Variants in CENPO observed in about 807,000 individuals in gnomAD.
The protein encoded by CENPO is centromere protein O.
CENPO carries 30 observed loss-of-function variants against 36.1 expected under a neutral mutation model. The ratio of observed to expected loss-of-function variants is 0.83; its 90% CI spans 0.62 to 1.13. The LOEUF is 1.13. Among genes scored for constraint, CENPO ranks in the 50% most tolerant of loss-of-function variants. The probability of loss-of-function intolerance (pLI) is 0.00; values close to 1 mark genes in which losing one functional copy is unlikely to be tolerated. For missense variants in CENPO, 349 were observed against 357.8 expected (o/e 0.98, Z 0.20); for synonymous variants, 171 against 142.3 (o/e 1.20, Z -1.44).
At chr2:24,800,991 G>A (rs1666136085) in intron 3 of CENPO, among the ~76,000 whole-genome samples, 1 of 152,136 alleles carries the variant, frequency 6.6e-6, no homozygotes, top group African/African-American at 2.4e-5. Flanking sequence ...AGCACCTGTT[G>A]TTTCCTGACT....
intron 2 of CENPO, among the ~76,000 whole-genome samples, chr2:24,795,245 T>TA (rs1665840927): frequency 6.6e-6 from 1 of 152,204 alleles, no homozygotes; most frequent in South Asian, 2.1e-4. Flanking sequence ...ACTTAGCTGT[T>TA]ACCCATACTG....
At chr2:24,804,937 A>G (rs188946468) in intron 3 of CENPO, among the ~76,000 whole-genome samples, 2 of 152,180 alleles carry the variant, frequency 1.3e-5, no homozygotes, top group African/African-American at 2.4e-5. Context: ...ACTTGGTTCC[A>G]TTCTCCCCAT....
At position 24,821,659 on chromosome 2, in the gene CENPO, G is replaced by A; in HGVS notation, c.*2341G>A. The A allele has an allele frequency of 6.2e-7, 1 of 1,613,166 alleles. No homozygotes were observed. The highest frequency in any genetic ancestry group is 2.2e-5 in the East Asian group (1 of 44,878). Reference sequence around the variant, plus strand: ...TGTCTTCCTGTGCCAGGGGACCGTGGAGAAAGTGTCAGGGGCCGCTCACTG... The same window carrying A: ...TGTCTTCCTGTGCCAGGGGACCGTGAAGAAAGTGTCAGGGGCCGCTCACTG... On this transcript the variant is annotated 3_prime_UTR_variant, in exon 8 of 8. Transcript: ENST00000380834.
At chr2:24,815,903 G>T in intron 5 of CENPO, 147 bp downstream of exon 5, 1 of 743,462 alleles carries the variant, frequency 1.3e-6, no homozygotes. Flanking sequence ...TTATATAAAA[G>T]CACTATCCCA....
intron 2 of CENPO, among the ~76,000 whole-genome samples, chr2:24,796,717 G>C (rs554673303): frequency 6.6e-6 from 1 of 152,296 alleles, no homozygotes; most frequent in African/African-American, 2.4e-5. Context: ...TTATGAGCTG[G>C]CACCTGACCT....
Position 24,815,685 on chromosome 2 carries a change from CA to C in CENPO, c.524del (p.His175ProfsTer10). On this transcript the variant is annotated frameshift_variant, in exon 5 of 8. Coordinates refer to ENST00000380834, the MANE Select transcript of CENPO (RefSeq NM_001322101.2). LOFTEE classifies it high-confidence loss of function. The part of the protein sequence containing the change: ...AAKYLQTNIQ[H>X]FLFSLCEYLN... ...AAAATATTTACAGACCAACATCCAGCACTTCCTGTTCAGTCTCTGCGAGTAC... is the reference window on the plus strand; with the variant it reads ...AAAATATTTACAGACCAACATCCAGCCTTCCTGTTCAGTCTCTGCGAGTAC... 1 of 1,613,914 alleles carries C rather than the reference CA, an allele frequency of 6.2e-7. No homozygotes were observed. The highest frequency in any genetic ancestry group is 1.1e-5 in the South Asian group (1 of 91,082).
Position 24,793,931 on chromosome 2 carries a change from G to A in CENPO, c.12G>A (p.Ala4=). The change falls in exon 2 of 8, where the codon GCG becomes GCA. Residue 4 remains alanine (A), a synonymous_variant. Coordinates refer to ENST00000380834, the MANE Select transcript of CENPO (RefSeq NM_001322101.2). ...CTTGGGAATCTGAGATGGAGCAGGCGAACCCTTTACGTCCAGATGGCGAGT... is the reference window on the plus strand; with the variant it reads ...CTTGGGAATCTGAGATGGAGCAGGCAAACCCTTTACGTCCAGATGGCGAGT... MEQ[A]NPLRPDGESK... is the part of the protein sequence containing the mutation. The A allele has an allele frequency of 1.2e-6, 2 of 1,614,154 alleles. No individual in the cohort carries two copies. The highest frequency in any genetic ancestry group is 1.7e-6 in the Non-Finnish European group (2 of 1,180,018).
chr2:24,803,578 C>T (rs1182296249), intron 3 of CENPO, among the ~76,000 whole-genome samples: 6 of 152,086 alleles, frequency 3.9e-5, no homozygotes, highest in Admixed American at 1.3e-4. Context: ...GCCTTCATTT[C>T]GTTATGTACC....
At chr2:24,805,910 C>G (rs902398412) in intron 3 of CENPO, among the ~76,000 whole-genome samples, 5 of 152,226 alleles carry the variant, frequency 3.3e-5, no homozygotes, top group African/African-American at 1.2e-4. Flanking sequence ...TTGCTATGCC[C>G]TGCCCCCAGA....
chr2:24,816,681 G>C lies in CENPO; in HGVS notation c.630G>C (p.Gln210His). 6.2e-7 allele frequency: 1 copy of C among 1,612,320 alleles called. No individual in the cohort carries two copies. Among genetic ancestry groups the C allele is most frequent in the Non-Finnish European group, 8.5e-7 (1 of 1,179,286 alleles). ...DFAALLTGPL[Q>H]RNPLCNLLSF... ...CAGCCCTCCTGACTGGGCCCTTGCAGAGAAACCCACTGTGTAACTTGCTGT... is the reference window on the plus strand; with the variant it reads ...CAGCCCTCCTGACTGGGCCCTTGCACAGAAACCCACTGTGTAACTTGCTGT... Residue 210 changes from glutamine to histidine, a missense_variant, in exon 6 of 8, where the codon CAG becomes CAC. Gln to His is a conservative substitution (Grantham distance 24). Coordinates refer to ENST00000380834, the MANE Select transcript of CENPO (RefSeq NM_001322101.2).
chr2:24,803,353 T>G (rs1349464601), intron 3 of CENPO, among the ~76,000 whole-genome samples: 1 of 152,156 alleles, frequency 6.6e-6, no homozygotes, highest in African/African-American at 2.4e-5. Context: ...ATCTTAGTTA[T>G]TTCTTGCCTT....
Position 24,820,145 on chromosome 2 carries a change from G to A in CENPO, c.*827G>A, listed in dbSNP as rs780188569. On this transcript the variant is annotated 3_prime_UTR_variant, in exon 8 of 8. Transcript: ENST00000380834. ...GAGGGAGGGGGAGCAAGAACGTGGC[G>A]TTACGGGGGGAGCCTAGACTGAGGG... is the stretch of plus-strand genomic sequence containing the variant. The A allele has an allele frequency of 2.3e-4, 268 of 1,145,734 alleles. No homozygotes were observed. Among genetic ancestry groups the A allele is most frequent in the Non-Finnish European group, 2.9e-4 (240 of 841,420 alleles). 71.0% of individuals were successfully genotyped at this position (1,145,734 alleles called of 1,614,324 possible).
intron 3 of CENPO, among the ~76,000 whole-genome samples, chr2:24,804,561 G>A (rs964109456): frequency 6.6e-6 from 1 of 152,032 alleles, no homozygotes; most frequent in African/African-American, 2.4e-5. Context: ...GTCTGTAAAG[G>A]ATTTTATTTC....
In CENPO at chr2:24,821,047, ACCCC is replaced by A; in HGVS notation, c.*1736_*1739del. 1.9e-6 allele frequency: 1 copy of A among 532,514 alleles called. No homozygotes were observed. 33.0% of individuals were successfully genotyped at this position (532,514 alleles called of 1,614,324 possible). A position where few individuals can be genotyped will look rare whatever the true frequency, so the allele number is the denominator to read the frequency against. ...GTGTGCTTGTTAGGTGTCAGCCGCC[ACCCC>A]CCCCCCATATGCAGATTTACTCGGC... On this transcript the variant is annotated 3_prime_UTR_variant, in exon 8 of 8. Transcript: ENST00000380834.
chr2:24,797,027 G>A (rs1368688989), intron 2 of CENPO, among the ~76,000 whole-genome samples: 2 of 152,212 alleles, frequency 1.3e-5, no homozygotes, highest in Non-Finnish European at 2.9e-5. Context: ...TTAGCCAGCT[G>A]GATGACACGA....
intron 3 of CENPO, among the ~76,000 whole-genome samples, chr2:24,813,139 G>A (rs1286654531): frequency 1.1e-4 from 17 of 152,014 alleles, no homozygotes; most frequent in Admixed American, 9.8e-4. Context: ...CCAGCTACTC[G>A]GGAGGCTGAG....
chr2:24,819,950 C>G lies in CENPO; in HGVS notation c.*632C>G. 1 of 1,613,878 alleles carries G rather than the reference C, an allele frequency of 6.2e-7. No individual in the cohort carries two copies. The highest frequency in any genetic ancestry group is 8.5e-7 in the Non-Finnish European group (1 of 1,179,914). ...AGGCCATTCAGGAGTTGTCCACCACCTGGTGGGGCAGTGTGACAGAGGGGC... is the reference window on the plus strand; with the variant it reads ...AGGCCATTCAGGAGTTGTCCACCACGTGGTGGGGCAGTGTGACAGAGGGGC... On this transcript the variant is annotated 3_prime_UTR_variant, in exon 8 of 8. Coordinates refer to ENST00000380834, the MANE Select transcript of CENPO (RefSeq NM_001322101.2).
chr2:24,820,252 G>A lies in CENPO; in HGVS notation c.*934G>A. ...ACGGGACACTCCCCAAACCTCCCAG[G>A]GCCAAGCCCTTCCACCCGTGGCGAG... On this transcript the variant is annotated 3_prime_UTR_variant, in exon 8 of 8. Transcript: ENST00000380834. 1 of 1,202,848 alleles carries A rather than the reference G, an allele frequency of 8.3e-7. No homozygotes were observed. 74.5% of individuals were successfully genotyped at this position (1,202,848 alleles called of 1,614,324 possible).
At position 24,815,702 on chromosome 2, in the gene CENPO, C is replaced by T; in HGVS notation, c.540C>T (p.Leu180=). 1 of 1,614,180 alleles carries T rather than the reference C, an allele frequency of 6.2e-7. No individual in the cohort carries two copies. The highest frequency in any genetic ancestry group is 1.1e-5 in the South Asian group (1 of 91,090). The change falls in exon 5 of 8, where the codon CTC becomes CTT. Residue 180 remains leucine, a synonymous_variant. Transcript: ENST00000380834. ...ACATCCAGCACTTCCTGTTCAGTCTCTGCGAGTACCTGAATGCTTACTCTG... is the reference window on the plus strand; with the variant it reads ...ACATCCAGCACTTCCTGTTCAGTCTTTGCGAGTACCTGAATGCTTACTCTG... ...QTNIQHFLFS[L]CEYLNAYSGR... is the part of the protein sequence containing the mutation.
Sources: gnomAD v4.1 joint callset for allele counts (sites outside exome capture counted in the v4.1 genomes callset) on GRCh38, gnomAD v4.1.1 for gene constraint, MANE v1.5 for transcripts, NCBI Gene and HGNC (gene_info 2026-07-23, HGNC 2026-07-21) for gene names.